The following ZNF175 variants were observed in gnomAD, a reference collection of about 807,000 sequenced individuals.
ZNF175 encodes zinc finger protein 175.
Under a neutral mutation model 14.0 loss-of-function variants are expected in ZNF175, and 8 were observed. The ratio of observed to expected loss-of-function variants is 0.57; its 90% CI spans 0.34 to 1.03. ZNF175 has a LOEUF of 1.03. Among genes scored for constraint, ZNF175 ranks in the 50% least tolerant of loss-of-function variants. The pLI is 0.03. For synonymous variants in ZNF175, 255 were observed against 296.8 expected, an observed-to-expected ratio of 0.86 and a Z score of 1.45; for missense variants, 764 against 849.5, an observed-to-expected ratio of 0.90 and a Z score of 1.25.
rs1982206184 is a variant in ZNF175, at chr19:51,587,459, ATC to A, written c.1134_1135del (p.Phe379GlnfsTer8). ...GTGGAAAAGCCTTTTTCCAGATGTT[ATC>A]TCTCTTCAGACATCAGAGAACTCAC... ...DCGKAFFQML[S>X]LFRHQRTHSR... On this transcript the variant is annotated frameshift_variant, in exon 5 of 5. Coordinates refer to ENST00000262259, the MANE Select transcript of ZNF175 (RefSeq NM_007147.4). LOFTEE classifies it low-confidence loss of function (END_TRUNC). 6.2e-7 allele frequency: 1 copy of A among 1,614,264 alleles called. No individual in the cohort carries two copies. Among genetic ancestry groups the A allele is most frequent in the Admixed American group, 1.7e-5 (1 of 60,028 alleles).
intron 2 of ZNF175, among the ~76,000 whole-genome samples, chr19:51,578,546 T>G (rs1452303864): frequency 2.0e-5 from 3 of 152,118 alleles, no homozygotes; most frequent in African/African-American, 7.2e-5. Context: ...GATGGGAGGA[T>G]TGCTTGAGCC....
In ZNF175 at chr19:51,590,674, T is replaced by C. The variant is rs1313240107; in HGVS notation, c.*2207T>C. On this transcript the variant is annotated 3_prime_UTR_variant, in exon 5 of 5. Coordinates refer to ENST00000262259, the MANE Select transcript of ZNF175 (RefSeq NM_007147.4). Reference sequence around the variant, plus strand: ...GTTCTGTGTCTCACTGGCCTCTCCCTGTCCAGGGGCGTAGTATCAGTGACC... The same window carrying C: ...GTTCTGTGTCTCACTGGCCTCTCCCCGTCCAGGGGCGTAGTATCAGTGACC... 1 of 152,306 alleles carries C rather than the reference T, an allele frequency of 6.6e-6. No homozygotes were observed. The highest frequency in any genetic ancestry group is 2.4e-5 in the African/African-American group (1 of 41,420). 9.4% of individuals were successfully genotyped at this position (152,306 alleles called of 1,614,324 possible).
chr19:51,572,127 C>T lies in ZNF175; in HGVS notation c.-181+652C>T, dbSNP rs61235925. On this transcript the variant is annotated intron_variant, in intron 1 of 4. Transcript: ENST00000262259. The stretch of plus-strand genomic sequence containing the variant: ...TTCCTATTGGGGCATTTCATTTGGA[C>T]CCCTATGTTGGGGATTATTTGTCGT... 2.6e-3 allele frequency among the ~76,000 whole-genome samples: 398 copies of T among 152,236 alleles called. 15 individuals are homozygous for T. The East Asian group carries it at 0.045, about 17-fold the overall frequency.
At chr19:51,571,724 T>C (rs898453969) in intron 1 of ZNF175, among the ~76,000 whole-genome samples, 3 of 152,190 alleles carry the variant, frequency 2.0e-5, no homozygotes, top group East Asian at 3.9e-4. Flanking sequence ...TAAGAGCGCC[T>C]TTGCGGATGG....
At chr19:51,576,152 G>GTTT (rs369470286) in intron 2 of ZNF175, among the ~76,000 whole-genome samples, 5 of 130,966 alleles carry the variant, frequency 3.8e-5, no homozygotes, top group Non-Finnish European at 6.6e-5. Context: ...TTTTTTTTTT[G>GTTT]TTTTTTTTTT....
chr19:51,575,220 T>G (rs1474165858), intron 2 of ZNF175, among the ~76,000 whole-genome samples: 10 of 137,020 alleles, frequency 7.3e-5, no homozygotes, highest in East Asian at 2.0e-4. Flanking sequence ...TTTTTTTTTT[T>G]TTTTTTTTTT....
intron 2 of ZNF175, among the ~76,000 whole-genome samples, chr19:51,577,770 T>C (rs534919749): frequency 2.1e-4 from 32 of 151,580 alleles, no homozygotes; most frequent in African/African-American, 7.5e-4. Flanking sequence ...TTCACGCCAT[T>C]CTCCTGCTTC....
intron 2 of ZNF175, among the ~76,000 whole-genome samples, chr19:51,577,697 T>A (rs1368917303): frequency 7.1e-6 from 1 of 141,046 alleles, no homozygotes; most frequent in Non-Finnish European, 1.5e-5. Context: ...GGAGTCTCAC[T>A]CTGTCGCCCA....
chr19:51,577,879 G>T (rs915594187), intron 2 of ZNF175, among the ~76,000 whole-genome samples: 4 of 151,048 alleles, frequency 2.6e-5, no homozygotes, highest in Admixed American at 6.6e-5. Context: ...TAGCCAGGAT[G>T]GTCTCAATCT....
rs540246987 is a variant in ZNF175, at chr19:51,588,066, C to T, written c.1735C>T (p.Arg579Ter). The change falls in exon 5 of 5, where the codon CGA (arginine) becomes TGA (stop). Residue 579 changes from arginine to a stop codon, truncating the protein, a stop_gained. Coordinates refer to ENST00000262259, the MANE Select transcript of ZNF175 (RefSeq NM_007147.4). LOFTEE classifies it low-confidence loss of function (END_TRUNC). ...TAAGTCTCAATTCAAAGAGCATCAG[C>T]GAATTCACACGGGTGAGAAACCCTA... ...TSKSQFKEHQ[R>*]IHTGEKPYVC... is the part of the protein sequence containing the mutation. 15 of 1,614,034 alleles carry T rather than the reference C, an allele frequency of 9.3e-6. No homozygotes were observed. The highest frequency in any genetic ancestry group is 1.3e-5 in the African/African-American group (1 of 75,008).
chr19:51,587,124 C>T lies in ZNF175; in HGVS notation c.793C>T (p.Gln265Ter). Residue 265 changes from glutamine (Q) to a stop codon, truncating the protein, a stop_gained, in exon 5 of 5, where the codon CAG becomes TAG. Coordinates refer to ENST00000262259, the MANE Select transcript of ZNF175 (RefSeq NM_007147.4). LOFTEE classifies it low-confidence loss of function (END_TRUNC). ...GTGTAGAAAAGTCTGTGGCCATAAA[C>T]AGTCACTCAAGCAACATCAAATTCA... ...NQCRKVCGHK[Q>*]SLKQHQIHTQ... is the part of the protein sequence containing the mutation. 1 of 1,614,196 alleles carries T rather than the reference C, an allele frequency of 6.2e-7. No individual in the cohort carries two copies. The highest frequency in any genetic ancestry group is 8.5e-7 in the Non-Finnish European group (1 of 1,180,026).
rs61736479 is a variant in ZNF175, at chr19:51,586,729, C to G, written c.398C>G (p.Ser133Cys). Residue 133 changes from serine to cysteine, a missense_variant, in exon 5 of 5, where the codon TCC becomes TGC. Ser to Cys is a moderately radical substitution (Grantham distance 112). Transcript: ENST00000262259. ...GEFTRDGSWC[S>C]ILEELRLDAD... ...TTCACAAGAGATGGTTCATGGTGTTCCATTTTAGAAGAACTGAGGCTGGAT... is the reference window on the plus strand; with the variant it reads ...TTCACAAGAGATGGTTCATGGTGTTGCATTTTAGAAGAACTGAGGCTGGAT... 0.035 allele frequency: 55,876 copies of G among 1,613,966 alleles called. 5,804 individuals are homozygous for G. The African/African-American group carries it at 0.35, about 10-fold the overall frequency.
At chr19:51,577,813 G>C (rs544857353) in intron 2 of ZNF175, among the ~76,000 whole-genome samples, 1 of 151,706 alleles carries the variant, frequency 6.6e-6, no homozygotes, top group East Asian at 2.0e-4. Context: ...AAAGGCGCCC[G>C]CCACCACACC....
At position 51,573,230 on chromosome 19, in the gene ZNF175, T is replaced by C; in HGVS notation, c.-100T>C. 8.7e-7 allele frequency: 1 copy of C among 1,148,934 alleles called. No homozygotes were observed. Among genetic ancestry groups the C allele is most frequent in the Non-Finnish European group, 1.3e-6 (1 of 763,852 alleles). The allele number at this position is 1,148,934 out of a possible 1,614,324, so 71.2% of individuals were successfully genotyped here. A position where few individuals can be genotyped will look rare whatever the true frequency, so the allele number is the denominator to read the frequency against. The stretch of plus-strand genomic sequence containing the variant: ...CATAGCCCAGTACGACTCTCCGCCG[T>C]GTCCCTGGTTGGAAAATCCAAACAC... On this transcript the variant is annotated 5_prime_UTR_variant, in exon 2 of 5. Coordinates refer to ENST00000262259, the MANE Select transcript of ZNF175 (RefSeq NM_007147.4).
chr19:51,588,664 G>A lies in ZNF175; in HGVS notation c.*197G>A. Reference sequence around the variant, plus strand: ...AGTGAGGGCAATTACAGAGAAAAGAGTAAGCAGAAATGTCCTTCTGAGTAC... The same window carrying A: ...AGTGAGGGCAATTACAGAGAAAAGAATAAGCAGAAATGTCCTTCTGAGTAC... On this transcript the variant is annotated 3_prime_UTR_variant, in exon 5 of 5. Transcript: ENST00000262259. The A allele has an allele frequency of 1.7e-6, 1 of 580,090 alleles. No individual in the cohort carries two copies. Among genetic ancestry groups the A allele is most frequent in the African/African-American group, 1.9e-5 (1 of 51,792 alleles). 35.9% of individuals were successfully genotyped at this position (580,090 alleles called of 1,614,324 possible).
At position 51,573,290 on chromosome 19, in the gene ZNF175, T is replaced by C. The variant is rs1981655178; in HGVS notation, c.-40T>C. The C allele has an allele frequency of 6.2e-7, 1 of 1,604,794 alleles. No homozygotes were observed. The highest frequency in any genetic ancestry group is 2.2e-5 in the East Asian group (1 of 44,576). ...TTCTGGCTCCTGGGAAAAGTGGAGT[T>C]GTCAGCAAGAGAGACCGAGAGTAGA... On this transcript the variant is annotated 5_prime_UTR_variant, in exon 2 of 5. Transcript: ENST00000262259.
In ZNF175 at chr19:51,587,333, C is replaced by A. The variant is rs185000871; in HGVS notation, c.1002C>A (p.Pro334=). The part of the protein sequence containing the change: ...VYLTDHTGDI[P]CICKECGKVF... The stretch of plus-strand genomic sequence containing the variant: ...TGACAGATCATACAGGTGATATACC[C>A]TGTATATGCAAGGAATGTGGGAAGG... The change falls in exon 5 of 5, where the codon CCC becomes CCA. Residue 334 remains proline (P), a synonymous_variant. Transcript: ENST00000262259. 146 of 1,614,140 alleles carry A rather than the reference C, an allele frequency of 9.0e-5. No homozygotes were observed. Among genetic ancestry groups the A allele is most frequent in the Non-Finnish European group, 1.2e-5 (14 of 1,180,018 alleles).
At chr19:51,576,035 T>C (rs1010182321) in intron 2 of ZNF175, among the ~76,000 whole-genome samples, 3 of 152,246 alleles carry the variant, frequency 2.0e-5, no homozygotes, top group African/African-American at 7.2e-5. Context: ...TACTTGCCTA[T>C]ATACATGTTA....
At chr19:51,574,440 C>T (rs891647127) in intron 2 of ZNF175, among the ~76,000 whole-genome samples, 2 of 152,126 alleles carry the variant, frequency 1.3e-5, no homozygotes, top group African/African-American at 4.8e-5. Flanking sequence ...TTTGGGAGGC[C>T]GAGGCGGGCG....
Sources: gnomAD v4.1 joint callset for allele counts (sites outside exome capture counted in the v4.1 genomes callset) on GRCh38, gnomAD v4.1.1 for gene constraint, MANE v1.5 for transcripts, NCBI Gene and HGNC (gene_info 2026-07-23, HGNC 2026-07-21) for gene names.